The following FNDC3B variants were observed in gnomAD, a reference collection of about 807,000 sequenced individuals.
FNDC3B encodes the protein fibronectin type III domain containing 3B.
Under a neutral mutation model 151.5 loss-of-function variants are expected in FNDC3B, and 12 were observed. The observed-to-expected ratio is 0.08, with a 90% CI of 0.05 to 0.13. The LOEUF is 0.13. Among genes scored for constraint, FNDC3B ranks in the 10% least tolerant of loss-of-function variants. The pLI is 1.00. For missense variants in FNDC3B, 1,214 were observed against 1,505.3 expected, an observed-to-expected ratio of 0.81 and a Z score of 3.20; for synonymous variants, 528 against 549.0, an observed-to-expected ratio of 0.96 and a Z score of 0.54.
intron 1 of FNDC3B, among the ~76,000 whole-genome samples, chr3:172,047,591 T>C (rs768825460): frequency 2.0e-5 from 3 of 152,280 alleles, no homozygotes; most frequent in Middle Eastern, 3.4e-3. Flanking sequence ...TTCATAGAGA[T>C]ACAGGAGCCC....
Position 172,341,173 on chromosome 3 carries a change from A to G in FNDC3B, c.1913A>G (p.Lys638Arg). Residue 638 changes from lysine to arginine, a missense_variant, in exon 17 of 26, where the codon AAA (lysine) becomes AGA (arginine). This residue lies in a region of FNDC3B where 380 missense variants were observed against 420.9 expected (regional missense o/e 0.90). Transcript: ENST00000415807. ...ACCGAATACACCTTCACCCACTTGA[A>G]ACCAGGCACTTTGTACAAACTCCGA... The part of the protein sequence containing the change: ...SATEYTFTHL[K>R]PGTLYKLRAC... 6.2e-7 allele frequency: 1 copy of G among 1,614,214 alleles called. No homozygotes were observed. The highest frequency in any genetic ancestry group is 8.5e-7 in the Non-Finnish European group (1 of 1,180,030).
At chr3:172,354,779 C>G (rs981443315) in intron 22 of FNDC3B, among the ~76,000 whole-genome samples, 1 of 151,576 alleles carries the variant, frequency 6.6e-6, no homozygotes, top group South Asian at 2.1e-4. Flanking sequence ...ATGAACAGAT[C>G]ATGATGTTCT....
At chr3:172,215,294 CT>C (rs1049730048) in intron 3 of FNDC3B, among the ~76,000 whole-genome samples, 1 of 152,196 alleles carries the variant, frequency 6.6e-6, no homozygotes, top group African/African-American at 2.4e-5. Context: ...AGAAGAGGGC[CT>C]TGTGGCCAGG....
Position 172,039,678 on chromosome 3 carries a change from G to C in FNDC3B, c.-122G>C, listed in dbSNP as rs534336307. On this transcript the variant is annotated 5_prime_UTR_variant, in exon 1 of 26. Coordinates refer to ENST00000415807, the MANE Select transcript of FNDC3B (RefSeq NM_022763.4). Reference sequence around the variant, plus strand: ...AGCGGCGGCGGCGGGAGCAGCGAAGGGGGCGGCAGGGATCCTCCAGGCTGC... The same window carrying C: ...AGCGGCGGCGGCGGGAGCAGCGAAGCGGGCGGCAGGGATCCTCCAGGCTGC... The C allele has an allele frequency of 5.1e-3, 848 of 164,976 alleles. 7 individuals carry two copies. Among genetic ancestry groups the C allele is most frequent in the African/African-American group, 0.016 (669 of 41,716 alleles). The allele number at this position is 164,976 out of a possible 1,614,324, so 10.2% of individuals were successfully genotyped here. A position where few individuals can be genotyped will look rare whatever the true frequency, so the allele number is the denominator to read the frequency against.
chr3:172,396,704 A>G (rs1736300217), intron 25 of FNDC3B, among the ~76,000 whole-genome samples: 1 of 152,200 alleles, frequency 6.6e-6, no homozygotes, highest in Admixed American at 6.5e-5. Context: ...AACTGTGTAT[A>G]CGAGGGATCT....
At chr3:172,198,147 GGTTCA>G (rs1724942475) in intron 3 of FNDC3B, among the ~76,000 whole-genome samples, 2 of 151,968 alleles carry the variant, frequency 1.3e-5, no homozygotes, top group African/African-American at 4.8e-5. Flanking sequence ...CATCTTTTCT[GGTTCA>G]AAGAGATGTT....
At chr3:172,089,487 T>C (rs1373411808) in intron 1 of FNDC3B, among the ~76,000 whole-genome samples, 3 of 152,150 alleles carry the variant, frequency 2.0e-5, no homozygotes, top group African/African-American at 7.2e-5. Flanking sequence ...AGTCATCAGT[T>C]GATCGAAGGT....
intron 1 of FNDC3B, among the ~76,000 whole-genome samples, chr3:172,094,267 T>A: frequency 6.6e-6 from 1 of 152,154 alleles, no homozygotes; most frequent in Non-Finnish European, 1.5e-5. Flanking sequence ...TCTAGAACAT[T>A]TTTGTCCCTT....
intron 23 of FNDC3B, among the ~76,000 whole-genome samples, chr3:172,369,293 G>T (rs1734771090): frequency 6.6e-6 from 1 of 152,112 alleles, no homozygotes; most frequent in African/African-American, 2.4e-5. Context: ...TAGAAATTTG[G>T]AAAACTCTGG....
intron 1 of FNDC3B, among the ~76,000 whole-genome samples, chr3:172,091,171 C>T (rs958757431): frequency 1.3e-5 from 2 of 152,156 alleles, no homozygotes; most frequent in Non-Finnish European, 2.9e-5. Flanking sequence ...TAAAACTCTT[C>T]TGAAGTATTT....
At chr3:172,252,002 G>C (rs12106861) in intron 6 of FNDC3B, among the ~76,000 whole-genome samples, 1 of 151,996 alleles carries the variant, frequency 6.6e-6, no homozygotes, top group African/African-American at 2.4e-5. Context: ...TTTAGTTTTG[G>C]CATCAGTTAT....
chr3:172,181,698 A>G (rs9857359), intron 3 of FNDC3B, among the ~76,000 whole-genome samples: 94,790 of 151,286 alleles, frequency 0.63, 30,340 homozygotes, highest in African/African-American at 0.76. Flanking sequence ...GTGTGGTGGC[A>G]CACACCTGTA....
At chr3:172,309,440 G>GT (rs200195173) in intron 10 of FNDC3B, among the ~76,000 whole-genome samples, 10 of 142,484 alleles carry the variant, frequency 7.0e-5, no homozygotes, top group East Asian at 1.9e-4. Flanking sequence ...CCAAAGAACA[G>GT]TTTTTTTTTG....
chr3:172,350,808 A>G (rs1192401823), intron 21 of FNDC3B, among the ~76,000 whole-genome samples: 1 of 152,142 alleles, frequency 6.6e-6, no homozygotes, highest in Non-Finnish European at 1.5e-5. Flanking sequence ...GTGAGCTGAG[A>G]TTGCGCCACT....
intron 1 of FNDC3B, among the ~76,000 whole-genome samples, chr3:172,064,118 G>A (rs1256339811): frequency 6.6e-6 from 1 of 152,080 alleles, no homozygotes; most frequent in Admixed American, 6.5e-5. Flanking sequence ...CTCCAGCCTG[G>A]ACAACATAGC....
chr3:172,108,284 A>C (rs934821717), intron 1 of FNDC3B, among the ~76,000 whole-genome samples: 2 of 152,246 alleles, frequency 1.3e-5, no homozygotes, highest in African/African-American at 4.8e-5. Flanking sequence ...GTATTCTTAT[A>C]AACTGTCCTG....
chr3:172,233,653 G>A (rs1726996457), intron 4 of FNDC3B, among the ~76,000 whole-genome samples: 2 of 152,198 alleles, frequency 1.3e-5, no homozygotes. Context: ...GGTAATTACA[G>A]CTGGGGATTA....
chr3:172,058,625 A>G (rs972697632), intron 1 of FNDC3B, among the ~76,000 whole-genome samples: 1 of 152,136 alleles, frequency 6.6e-6, no homozygotes, highest in African/African-American at 2.4e-5. Flanking sequence ...ACATTTTCCC[A>G]TGAAATACAT....
At chr3:172,293,140 G>GC (rs1657484129) in intron 7 of FNDC3B, among the ~76,000 whole-genome samples, 1 of 152,194 alleles carries the variant, frequency 6.6e-6, no homozygotes, top group Non-Finnish European at 1.5e-5. Context: ...TGTATCCACA[G>GC]CCCCTCACAG....
Sources: allele counts gnomAD v4.1 joint callset (sites outside exome capture counted in the v4.1 genomes callset), GRCh38; gene constraint gnomAD v4.1.1; regional missense constraint gnomAD v4.1.1; transcripts MANE v1.5; gene names NCBI Gene and HGNC (gene_info 2026-07-23, HGNC 2026-07-21).